The following ARFGEF3 variants were observed in gnomAD, a reference collection of about 807,000 sequenced individuals.
The protein encoded by ARFGEF3 is ARFGEF family member 3.
A neutral mutation model predicts 221.7 loss-of-function variants in ARFGEF3; 96 were observed. The ratio of observed to expected loss-of-function variants is 0.43; its 90% CI spans 0.37 to 0.51. The LOEUF (loss-of-function observed/expected upper bound fraction) is 0.51, where lower values mean the gene tolerates loss of function less well. Ranked by LOEUF, ARFGEF3 falls within the 20% of genes least tolerant of loss-of-function variation. ARFGEF3 has a pLI of 0.00. For synonymous variants in ARFGEF3, 1,145 were observed against 1,126.8 expected, an observed-to-expected ratio of 1.02 and a Z score of -0.32; for missense variants, 2,410 against 2,789.9, an observed-to-expected ratio of 0.86 and a Z score of 3.07.
intron 22 of ARFGEF3, 149 bp from the exon 23 acceptor site, chr6:138,307,104 A>G (rs988168297): frequency 8.2e-6 from 6 of 728,440 alleles, no homozygotes; most frequent in Admixed American, 7.3e-5. Flanking sequence ...ATTATTCAGA[A>G]GATTTTTGAG....
intron 31 of ARFGEF3, 74 bp from the exon 32 acceptor site, chr6:138,327,947 T>C: frequency 7.8e-7 from 1 of 1,281,426 alleles, no homozygotes; most frequent in Non-Finnish European, 1.1e-6. Context: ...TTGCCCAGGG[T>C]CATCCAGCTG....
chr6:138,266,151 T>C (rs1778888103), intron 12 of ARFGEF3, among the ~76,000 whole-genome samples: 1 of 151,722 alleles, frequency 6.6e-6, no homozygotes, highest in African/African-American at 2.4e-5. Context: ...AGGTTGAGGC[T>C]CCAGTTAGCC....
chr6:138,264,562 G>C (rs1234387052), intron 12 of ARFGEF3, among the ~76,000 whole-genome samples: 1 of 152,178 alleles, frequency 6.6e-6, no homozygotes, highest in African/African-American at 2.4e-5. Flanking sequence ...ATCACCACTT[G>C]CTCTTCTACC....
intron 28 of ARFGEF3, among the ~76,000 whole-genome samples, chr6:138,320,242 C>T (rs1402841368): frequency 1.3e-5 from 2 of 152,064 alleles, no homozygotes; most frequent in African/African-American, 2.4e-5. Context: ...GGGGGGGTAG[C>T]GGGTATAGCC....
intron 22 of ARFGEF3, among the ~76,000 whole-genome samples, chr6:138,301,486 A>G (rs995822654): frequency 1.3e-5 from 2 of 152,188 alleles, no homozygotes; most frequent in African/African-American, 2.4e-5. Flanking sequence ...GGAGAAGACC[A>G]TTGGCTTGTC....
chr6:138,313,738 C>A, intron 25 of ARFGEF3, 57 bp from the exon 26 acceptor site: 4 of 1,433,858 alleles, frequency 2.8e-6, no homozygotes, highest in South Asian at 1.2e-5. Context: ...TCTTTAAAAC[C>A]CACAATGCAG....
Position 138,311,486 on chromosome 6 carries a change from G to T in ARFGEF3, c.4176G>T (p.Leu1392=). ...APSTDLCLPA[L]DYLRRCSQLL... is the part of the protein sequence containing the mutation. Reference sequence around the variant, plus strand: ...CCACAGACCTGTGCCTCCCGGCCCTGGATTACCTCAGGCGCTGCTCTCAGG... The same window carrying T: ...CCACAGACCTGTGCCTCCCGGCCCTTGATTACCTCAGGCGCTGCTCTCAGG... The change falls in exon 25 of 34, where the codon CTG becomes CTT. Residue 1392 remains leucine (L), a synonymous_variant. Transcript: ENST00000251691. The T allele has an allele frequency of 6.2e-7, 1 of 1,601,434 alleles. No individual in the cohort carries two copies. Among genetic ancestry groups the T allele is most frequent in the Non-Finnish European group, 8.5e-7 (1 of 1,174,384 alleles).
chr6:138,165,721 C>G (rs1776711590), intron 1 of ARFGEF3, among the ~76,000 whole-genome samples: 1 of 151,884 alleles, frequency 6.6e-6, no homozygotes, highest in African/African-American at 2.4e-5. Flanking sequence ...CTGAGACACT[C>G]ATGAGAGACT....
chr6:138,245,657 C>T, intron 8 of ARFGEF3, 66 bp downstream of exon 8: 4 of 1,150,730 alleles, frequency 3.5e-6, no homozygotes, highest in Non-Finnish European at 5.1e-6. Context: ...CCTTTGTCTG[C>T]AGCATCACTT....
intron 2 of ARFGEF3, among the ~76,000 whole-genome samples, chr6:138,184,725 A>T (rs967126280): frequency 6.6e-6 from 1 of 152,220 alleles, no homozygotes; most frequent in African/African-American, 2.4e-5. Flanking sequence ...ATGTTGCTCT[A>T]TCAGTGTGTT....
At chr6:138,190,269 A>G (rs976316177) in intron 2 of ARFGEF3, among the ~76,000 whole-genome samples, 2 of 151,972 alleles carry the variant, frequency 1.3e-5, no homozygotes, top group Non-Finnish European at 2.9e-5. Flanking sequence ...ATATGTAACC[A>G]GCTACCATAT....
chr6:138,242,807 G>C, intron 6 of ARFGEF3, 145 bp from the exon 7 acceptor site: 1 of 648,148 alleles, frequency 1.5e-6, no homozygotes, highest in African/African-American at 1.8e-5. Context: ...CTCAAGAGCT[G>C]GTGGGTAGGG....
intron 2 of ARFGEF3, among the ~76,000 whole-genome samples, chr6:138,180,443 T>C (rs1426037897): frequency 6.6e-6 from 1 of 152,200 alleles, no homozygotes; most frequent in African/African-American, 2.4e-5. Context: ...TCTGTGCTTC[T>C]CTTGGATGTA....
Position 138,336,285 on chromosome 6 carries a change from T to TTTCTC in ARFGEF3, c.6343-7_6343-3dup. 1 of 1,500,408 alleles carries TTTCTC rather than the reference T, an allele frequency of 6.7e-7. No individual in the cohort carries two copies. Among genetic ancestry groups the TTTCTC allele is most frequent in the South Asian group, 1.3e-5 (1 of 74,736 alleles). The allele number at this position is 1,500,408 out of a possible 1,614,324, so 92.9% of individuals were successfully genotyped here. A position where few individuals can be genotyped will look rare whatever the true frequency, so the allele number is the denominator to read the frequency against. On this transcript the variant is annotated splice_polypyrimidine_tract_variant and intron_variant, in intron 33 of 33. Coordinates refer to ENST00000251691, the MANE Select transcript of ARFGEF3 (RefSeq NM_020340.5). ...GAAAGCCACTGATTTTCTTAAATCT[T>TTTCTC]TTCTCTTAGGCATGGACCAACATGG...
intron 5 of ARFGEF3, among the ~76,000 whole-genome samples, chr6:138,235,400 T>A (rs112093080): frequency 1.1e-4 from 16 of 152,320 alleles, no homozygotes; most frequent in African/African-American, 3.6e-4. Context: ...CCTTTGAGCC[T>A]CTGGCAGAGG....
chr6:138,308,920 C>G, intron 24 of ARFGEF3, 59 bp downstream of exon 24: 2 of 1,606,374 alleles, frequency 1.2e-6, no homozygotes, highest in East Asian at 2.2e-5. Flanking sequence ...CAGGGTGGCT[C>G]TGTGGCTGGA....
At chr6:138,226,588 A>G (rs1401632509) in intron 4 of ARFGEF3, among the ~76,000 whole-genome samples, 2 of 152,180 alleles carry the variant, frequency 1.3e-5, no homozygotes, top group Non-Finnish European at 2.9e-5. Context: ...ATGGTAATTT[A>G]GTCAATATGC....
chr6:138,333,860 A>T, intron 32 of ARFGEF3, 110 bp from the exon 33 acceptor site: 2 of 1,220,700 alleles, frequency 1.6e-6, no homozygotes, highest in Non-Finnish European at 2.2e-6. Flanking sequence ...GAGGTAGTTT[A>T]GTTTGTAAAT....
At chr6:138,243,085 G>T (rs1345037593) in intron 7 of ARFGEF3, 91 bp downstream of exon 7, 2 of 1,009,612 alleles carry the variant, frequency 2.0e-6, no homozygotes, top group African/African-American at 3.2e-5. Flanking sequence ...AAGATGTCTA[G>T]GAGCTCTCGG....
Sources: gnomAD v4.1 joint callset for allele counts (sites outside exome capture counted in the v4.1 genomes callset) on GRCh38, gnomAD v4.1.1 for gene constraint, MANE v1.5 for transcripts, NCBI Gene and HGNC (gene_info 2026-07-23, HGNC 2026-07-21) for gene names.